DOCK8: variants seen among roughly 807,000 people sequenced by gnomAD.
The protein encoded by DOCK8 is dedicator of cytokinesis 8.
Under a neutral mutation model 245.6 loss-of-function variants are expected in DOCK8, and 141 were observed. That is an observed-to-expected ratio of 0.57 (90% CI 0.50 to 0.66). The LOEUF (loss-of-function observed/expected upper bound fraction) is 0.66. Ranked by LOEUF, DOCK8 falls within the 30% of genes least tolerant of loss-of-function variation. The pLI, the probability that DOCK8 is intolerant of heterozygous loss-of-function variation, is 0.00. For synonymous variants in DOCK8, 1,168 were observed against 970.2 expected (o/e 1.20, Z -3.79); for missense variants, 2,965 against 2,603.4 (o/e 1.14, Z -3.02).
chr9:408,220 T>C (rs1219985903), intron 28 of DOCK8, among the ~76,000 whole-genome samples: 1 of 152,176 alleles, frequency 6.6e-6, no homozygotes, highest in Non-Finnish European at 1.5e-5. Context: ...AAACAGGAGG[T>C]TCCTGCATGA....
chr9:255,153 T>C (rs2047737813), intron 1 of DOCK8, among the ~76,000 whole-genome samples: 1 of 152,152 alleles, frequency 6.6e-6, no homozygotes, highest in African/African-American at 2.4e-5. Context: ...AGTCTCAATA[T>C]ATAAAAGGAA....
intron 4 of DOCK8, among the ~76,000 whole-genome samples, chr9:298,195 CG>C (rs2049348530): frequency 6.6e-6 from 1 of 152,112 alleles, no homozygotes; most frequent in South Asian, 2.1e-4. Context: ...GAGGCAGAGG[CG>C]GGTGGATCAC....
chr9:340,052 A>G lies in DOCK8; in HGVS notation c.1517-107A>G, dbSNP rs373557792. 21 of 1,329,846 alleles carry G rather than the reference A, an allele frequency of 1.6e-5. No individual in the cohort carries two copies. The African/African-American group carries it at 2.0e-4, about 13-fold the overall frequency. The allele number at this position is 1,329,846 out of a possible 1,614,324, so 82.4% of individuals were successfully genotyped here. A position where few individuals can be genotyped will look rare whatever the true frequency, so the allele number is the denominator to read the frequency against. On this transcript the variant is annotated intron_variant, in intron 13 of 47. Coordinates refer to ENST00000432829, the MANE Select transcript of DOCK8 (RefSeq NM_203447.4). ...AGCTCCAAAACTTTTTTACAGTACTATAGTTTGTTCTTATTTTCATGAAAG... is the reference window on the plus strand; with the variant it reads ...AGCTCCAAAACTTTTTTACAGTACTGTAGTTTGTTCTTATTTTCATGAAAG...
chr9:426,798 T>C, intron 33 of DOCK8, 87 bp from the exon 34 acceptor site: 1 of 1,056,098 alleles, frequency 9.5e-7, no homozygotes, highest in Admixed American at 1.8e-5. Flanking sequence ...TTTGGAGATT[T>C]CTTTACACCT....
At chr9:425,897 TAC>T (rs2056481966) in intron 33 of DOCK8, among the ~76,000 whole-genome samples, 1 of 151,770 alleles carries the variant, frequency 6.6e-6, no homozygotes, top group Non-Finnish European at 1.5e-5. Flanking sequence ...CACACAGAAG[TAC>T]TTATTTTTTG....
At chr9:444,849 C>G (rs776060945) in intron 43 of DOCK8, among the ~76,000 whole-genome samples, 1 of 152,204 alleles carries the variant, frequency 6.6e-6, no homozygotes, top group Non-Finnish European at 1.5e-5. Context: ...CTCAGCCCAA[C>G]TCACATGTCC....
At chr9:224,617 A>G (rs549137513) in intron 1 of DOCK8, among the ~76,000 whole-genome samples, 1 of 152,274 alleles carries the variant, frequency 6.6e-6, no homozygotes, top group South Asian at 2.1e-4. Flanking sequence ...GACACAGCCA[A>G]AACCTTCTTT....
intron 29 of DOCK8, among the ~76,000 whole-genome samples, chr9:417,481 A>G (rs958624591): frequency 1.1e-4 from 17 of 152,338 alleles, no homozygotes; most frequent in Admixed American, 7.2e-4. Context: ...CACTTTTCCC[A>G]GAACTGCTTG....
chr9:370,085 G>A lies in DOCK8; in HGVS notation c.1798-145G>A, dbSNP rs1563974554. On this transcript the variant is annotated intron_variant, in intron 15 of 47. Transcript: ENST00000432829. ...CCCAGAGTGCTGAGATTACAGGTGT[G>A]AGCCACTGCTCCTGGCCAACCCAGC... 4 of 724,406 alleles carry A rather than the reference G, an allele frequency of 5.5e-6. No homozygotes were observed. In the East Asian group the frequency reaches 8.1e-5, roughly 15 times the overall value. 44.9% of individuals were successfully genotyped at this position (724,406 alleles called of 1,614,324 possible).
chr9:236,644 C>T (rs1398458743), intron 1 of DOCK8, among the ~76,000 whole-genome samples: 1 of 152,156 alleles, frequency 6.6e-6, no homozygotes, highest in Non-Finnish European at 1.5e-5. Context: ...CTTCTAGGTC[C>T]AGTATTAATC....
In DOCK8 at chr9:421,965, C is replaced by T. The variant is rs1355596678; in HGVS notation, c.4154-83C>T. On this transcript the variant is annotated intron_variant, in intron 32 of 47. Transcript: ENST00000432829. ...CCCGAGAAATGGTGCTGAGGCTTCT[C>T]AGTTGAGCTTGTTATGAACTTCTGG... is the stretch of plus-strand genomic sequence containing the variant. The T allele has an allele frequency of 7.5e-6, 9 of 1,205,046 alleles. No homozygotes were observed. In the Admixed American group the frequency reaches 1.2e-4, roughly 16 times the overall value. 74.6% of individuals were successfully genotyped at this position (1,205,046 alleles called of 1,614,324 possible).
chr9:397,146 C>T (rs537005255), intron 25 of DOCK8, among the ~76,000 whole-genome samples: 37 of 151,954 alleles, frequency 2.4e-4, no homozygotes, highest in Non-Finnish European at 4.7e-4. Flanking sequence ...GGGTTCGAGA[C>T]CTGCCTGGCC....
intron 28 of DOCK8, among the ~76,000 whole-genome samples, chr9:411,490 C>A (rs2055727486): frequency 6.6e-6 from 1 of 152,052 alleles, no homozygotes; most frequent in African/African-American, 2.4e-5. Context: ...GGGGGCTTTA[C>A]TGATGAATTC....
At chr9:364,477 T>C (rs901214882) in intron 14 of DOCK8, among the ~76,000 whole-genome samples, 9 of 151,298 alleles carry the variant, frequency 5.9e-5, no homozygotes, top group Admixed American at 1.3e-4. Flanking sequence ...TACAAAAAAT[T>C]TAAAAATTAG....
intron 21 of DOCK8, chr9:381,137 T>C (rs1447017641): frequency 6.6e-6 from 1 of 151,810 alleles, no homozygotes; most frequent in African/African-American, 2.4e-5. Context: ...CACCCTAAAA[T>C]TCCATTTTCG....
intron 28 of DOCK8, among the ~76,000 whole-genome samples, chr9:408,806 A>G (rs2055559614): frequency 6.6e-6 from 1 of 152,158 alleles, no homozygotes; most frequent in Non-Finnish European, 1.5e-5. Context: ...AACAAGGTAG[A>G]GTATATTCAG....
intron 1 of DOCK8, among the ~76,000 whole-genome samples, chr9:224,138 G>C (rs1256395841): frequency 6.6e-6 from 1 of 152,148 alleles, no homozygotes; most frequent in Non-Finnish European, 1.5e-5. Context: ...GCATGGTACT[G>C]CATACAGGAA....
At chr9:402,915 A>C (rs148020729) in intron 26 of DOCK8, among the ~76,000 whole-genome samples, 147 of 152,172 alleles carry the variant, frequency 9.7e-4, no homozygotes, top group African/African-American at 3.4e-3. Flanking sequence ...TTTGAGATGG[A>C]GTCTTACTCT....
intron 8 of DOCK8, 133 bp from the exon 9 acceptor site, chr9:327,889 T>G: frequency 1.2e-6 from 1 of 836,352 alleles, no homozygotes; most frequent in Admixed American, 1.9e-5. Flanking sequence ...GCCACTTTCC[T>G]AAACCACATC....
Sources: allele counts gnomAD v4.1 joint callset (sites outside exome capture counted in the v4.1 genomes callset), GRCh38; gene constraint gnomAD v4.1.1; transcripts MANE v1.5; gene names NCBI Gene and HGNC (gene_info 2026-07-23, HGNC 2026-07-21).